SEC14L5: variants seen among roughly 807,000 people sequenced by gnomAD.
SEC14L5 encodes SEC14-like protein 5.
Under a neutral mutation model 84.6 loss-of-function variants are expected in SEC14L5, and 96 were observed. That is an observed-to-expected ratio of 1.13 (90% CI 0.96 to 1.34). SEC14L5 has a LOEUF of 1.34. SEC14L5 is among the 40% of genes most tolerant of loss of function. The pLI, the probability that SEC14L5 is intolerant of heterozygous loss-of-function variation, is 0.00. For synonymous variants in SEC14L5, 546 were observed against 383.4 expected, an observed-to-expected ratio of 1.42 and a Z score of -4.95; for missense variants, 1,224 against 942.5, an observed-to-expected ratio of 1.30 and a Z score of -3.91.
intron 2 of SEC14L5, among the ~76,000 whole-genome samples, chr16:4,961,116 AAG>A (rs1955115617): frequency 6.6e-6 from 1 of 151,986 alleles, no homozygotes; most frequent in African/African-American, 2.4e-5. Context: ...CTAAAAATAC[AAG>A]AAAAATTAGC....
Position 5,008,441 on chromosome 16 carries a change from A to G in SEC14L5, c.1593A>G (p.Glu531=). ...CACAGGTGGCCGTGGAGATCCTGGA[A>G]GGAGAGTCGGTCATCACCTGGGACT... is the stretch of plus-strand genomic sequence containing the variant. ...APHEVAVEIL[E]GESVITWDFD... The change falls in exon 14 of 16, where the codon GAA becomes GAG. Residue 531 remains glutamate (E), a synonymous_variant. Coordinates refer to ENST00000251170, the MANE Select transcript of SEC14L5 (RefSeq NM_014692.2). 1.2e-6 allele frequency: 2 copies of G among 1,613,008 alleles called. No individual in the cohort carries two copies. Among genetic ancestry groups the G allele is most frequent in the Non-Finnish European group, 1.7e-6 (2 of 1,179,474 alleles).
rs191705344 is a variant in SEC14L5, at chr16:4,966,062, A to G, written c.63+6676A>G. On this transcript the variant is annotated intron_variant, in intron 2 of 15. Coordinates refer to ENST00000251170, the MANE Select transcript of SEC14L5 (RefSeq NM_014692.2). ...GCCTCAAAAAATAAAATTAAAAAAA[A>G]TGTTAAAAATGTTAAAAATATTTAA... is the stretch of plus-strand genomic sequence containing the variant. Among the ~76,000 whole-genome samples, 4 of 152,254 alleles carry G rather than the reference A, an allele frequency of 2.6e-5. No individual in the cohort carries two copies. The East Asian group carries it at 7.7e-4, about 29-fold the overall frequency.
intron 2 of SEC14L5, among the ~76,000 whole-genome samples, chr16:4,981,380 G>C (rs1441013148): frequency 2.0e-5 from 3 of 149,818 alleles, no homozygotes; most frequent in East Asian, 3.9e-4. Flanking sequence ...CCAAAGTGCT[G>C]GGATTACAGG....
chr16:5,009,945 A>G (rs1308066947), intron 14 of SEC14L5, among the ~76,000 whole-genome samples: 2 of 151,818 alleles, frequency 1.3e-5, no homozygotes, highest in African/African-American at 4.8e-5. Context: ...AGTGCTGGGG[A>G]GGGGTTGGAA....
At chr16:5,013,898 G>A (rs1955838010) in intron 15 of SEC14L5, among the ~76,000 whole-genome samples, 1 of 151,618 alleles carries the variant, frequency 6.6e-6, no homozygotes, top group South Asian at 2.1e-4. Flanking sequence ...TCACTATTTT[G>A]CCCAGGCTGG....
intron 5 of SEC14L5, among the ~76,000 whole-genome samples, chr16:4,991,141 A>G (rs1471007801): frequency 2.0e-5 from 3 of 147,624 alleles, no homozygotes; most frequent in South Asian, 4.4e-4. Context: ...AATTATCTGG[A>G]CAACAGATAA....
intron 15 of SEC14L5, among the ~76,000 whole-genome samples, 163 bp from the exon 16 acceptor site, chr16:5,014,696 C>T (rs549232996): frequency 6.6e-6 from 1 of 152,196 alleles, no homozygotes; most frequent in Non-Finnish European, 1.5e-5. Context: ...GTGGGGAATT[C>T]GGTAGTGCTT....
In SEC14L5 at chr16:4,987,808, G is replaced by A. The variant is rs1049082320; in HGVS notation, c.213+102G>A. The A allele has an allele frequency of 1.1e-3, 933 of 863,144 alleles. 1 individual carries two copies. The highest frequency in any genetic ancestry group is 1.8e-3 in the Middle Eastern group (5 of 2,786). 53.5% of individuals were successfully genotyped at this position (863,144 alleles called of 1,614,324 possible). On this transcript the variant is annotated intron_variant, in intron 3 of 15. Transcript: ENST00000251170. ...GGACCAGGGCGGCGGGGTCCAGGAG[G>A]TGGAGCAGGGGCGTGTGAGTTGATA...
intron 2 of SEC14L5, among the ~76,000 whole-genome samples, chr16:4,984,883 G>A (rs1219947156): frequency 6.6e-6 from 1 of 151,976 alleles, no homozygotes; most frequent in Non-Finnish European, 1.5e-5. Context: ...TTAAAATTGG[G>A]TCATCTCTTT....
In SEC14L5 at chr16:4,969,603, T is replaced by C. The variant is rs1380029281; in HGVS notation, c.63+10217T>C. Among the ~76,000 whole-genome samples, 5 of 151,330 alleles carry C rather than the reference T, an allele frequency of 3.3e-5. No homozygotes were observed. The East Asian group carries it at 7.7e-4, about 23-fold the overall frequency. On this transcript the variant is annotated intron_variant, in intron 2 of 15. Transcript: ENST00000251170. ...TTCACCACATTGGTCAGGCTGGTCT[T>C]GAACTCCTGACCTCAGGTGATCCAC... is the stretch of plus-strand genomic sequence containing the variant.
At chr16:5,003,333 T>G (rs969557860) in intron 10 of SEC14L5, 69 bp from the exon 11 acceptor site, 4 of 1,236,104 alleles carry the variant, frequency 3.2e-6, no homozygotes, top group African/African-American at 3.0e-5. Flanking sequence ...GTTCATCCCC[T>G]GTGGGGAGGG....
intron 10 of SEC14L5, among the ~76,000 whole-genome samples, chr16:5,001,327 C>T: frequency 6.7e-6 from 1 of 149,718 alleles, no homozygotes; most frequent in Non-Finnish European, 1.5e-5. Flanking sequence ...GGTGCAATCT[C>T]AGTTCACTGC....
At chr16:4,974,012 C>T (rs1364829494) in intron 2 of SEC14L5, among the ~76,000 whole-genome samples, 6 of 151,658 alleles carry the variant, frequency 4.0e-5, no homozygotes, top group Middle Eastern at 3.4e-3. Flanking sequence ...TGGAACTATC[C>T]GGAGAAGGGA....
chr16:4,991,024 A>G, intron 5 of SEC14L5, 129 bp downstream of exon 5: 1 of 635,940 alleles, frequency 1.6e-6, no homozygotes, highest in South Asian at 3.3e-5. Flanking sequence ...TGGGTACTCT[A>G]GTAATGACCA....
intron 4 of SEC14L5, among the ~76,000 whole-genome samples, chr16:4,990,382 C>G (rs566518867): frequency 2.0e-5 from 3 of 152,330 alleles, no homozygotes; most frequent in African/African-American, 7.2e-5. Flanking sequence ...AGGCTCGTCT[C>G]CAAGTCCTGA....
chr16:4,961,079 G>T (rs574751257), intron 2 of SEC14L5, among the ~76,000 whole-genome samples: 3 of 152,136 alleles, frequency 2.0e-5, no homozygotes, highest in African/African-American at 7.2e-5. Flanking sequence ...AGACAATCCC[G>T]TGTAACACGG....
rs1323119542 is a variant in SEC14L5, at chr16:5,008,503, A to T, written c.1655A>T (p.Tyr552Phe). Residue 552 changes from tyrosine to phenylalanine, a missense_variant, in exon 14 of 16, where the codon TAC becomes TTC. Coordinates refer to ENST00000251170, the MANE Select transcript of SEC14L5 (RefSeq NM_014692.2). ...ILRGDVVFSL[Y>F]HTKQAPRLGA... ...CGAGGGGACGTGGTGTTCAGCCTGT[A>T]CCACACCAAGCAGGCGCCCAGGCTG... 14 of 1,612,678 alleles carry T rather than the reference A, an allele frequency of 8.7e-6. No homozygotes were observed. In the South Asian group the frequency reaches 1.5e-4, roughly 18 times the overall value.
At position 5,003,500 on chromosome 16, in the gene SEC14L5, A is replaced by T; in HGVS notation, c.1229A>T (p.Asp410Val). ...CTGCGGATGATTGAGGTGGTTGAGG[A>T]CAATTACCCAGAGACCCTGGGTCGG... Reference protein sequence around the residue: ...ALLRMIEVVEDNYPETLGRLL... With the variant: ...ALLRMIEVVEVNYPETLGRLL... The change falls in exon 11 of 16, where the codon GAC becomes GTC. Residue 410 changes from aspartate to valine, a missense_variant. Physicochemically the swap from Asp to Val is radical, Grantham distance 152. Transcript: ENST00000251170. 5 of 1,612,838 alleles carry T rather than the reference A, an allele frequency of 3.1e-6. No individual in the cohort carries two copies. The highest frequency in any genetic ancestry group is 3.4e-6 in the Non-Finnish European group (4 of 1,179,552).
intron 2 of SEC14L5, among the ~76,000 whole-genome samples, chr16:4,968,661 C>T (rs978146923): frequency 8.2e-4 from 125 of 152,336 alleles, no homozygotes; most frequent in Admixed American, 6.3e-3. Context: ...AGCAGCAGTA[C>T]TGTGGCTTTA....
Sources: allele counts gnomAD v4.1 joint callset (sites outside exome capture counted in the v4.1 genomes callset), GRCh38; gene constraint gnomAD v4.1.1; transcripts MANE v1.5; gene names NCBI Gene and HGNC (gene_info 2026-07-23, HGNC 2026-07-21).